MYO3A: variants seen among roughly 807,000 people sequenced by gnomAD.
MYO3A encodes the protein myosin IIIA.
A neutral mutation model predicts 192.7 loss-of-function variants in MYO3A; 180 were observed. That is an observed-to-expected ratio of 0.93 (90% CI 0.83 to 1.06). The LOEUF (loss-of-function observed/expected upper bound fraction) is 1.06, where lower values mean the gene tolerates loss of function less well. Among genes scored for constraint, MYO3A ranks in the 50% least tolerant of loss-of-function variants. MYO3A has a pLI of 0.00. For synonymous variants in MYO3A, 628 were observed against 645.3 expected, an observed-to-expected ratio of 0.97 and a Z score of 0.41; for missense variants, 1,896 against 1,905.0, an observed-to-expected ratio of 1.00 and a Z score of 0.09.
At position 25,963,070 on chromosome 10, in the gene MYO3A, CAG is replaced by C. The variant is rs575456445; in HGVS notation, c.303+8064_303+8065del. ...AATTGCTCCTTTCACAGTGGTGCTA[CAG>C]ACTACATTCTATTATTCATTTGAAT... On this transcript the variant is annotated intron_variant, in intron 4 of 34. Transcript: ENST00000642920. Among the ~76,000 whole-genome samples the C allele has an allele frequency of 1.4e-4, 21 of 152,310 alleles. No individual in the cohort carries two copies. In the South Asian group the frequency reaches 3.1e-3, roughly 23 times the overall value.
chr10:26,010,087 A>G (rs1433882041), intron 6 of MYO3A, among the ~76,000 whole-genome samples: 2 of 152,230 alleles, frequency 1.3e-5, no homozygotes, highest in Non-Finnish European at 2.9e-5. Context: ...GTCCAAAGCC[A>G]AGAAGAATGC....
chr10:26,009,235 G>T (rs1454554981), intron 6 of MYO3A, among the ~76,000 whole-genome samples: 2 of 150,968 alleles, frequency 1.3e-5, no homozygotes, highest in African/African-American at 4.9e-5. Context: ...TGTGGGGTTG[G>T]GGGAGGGAGG....
chr10:26,018,874 G>GA (rs1303130193), intron 7 of MYO3A, among the ~76,000 whole-genome samples: 1 of 151,854 alleles, frequency 6.6e-6, no homozygotes, highest in Non-Finnish European at 1.5e-5. Context: ...TTTTCCTTAG[G>GA]AAAAAAATGA....
chr10:26,111,844 T>A (rs1838201296), intron 17 of MYO3A, among the ~76,000 whole-genome samples: 1 of 152,204 alleles, frequency 6.6e-6, no homozygotes, highest in South Asian at 2.1e-4. Flanking sequence ...AACTGGAAGA[T>A]GTACAATAAA....
chr10:25,941,414 T>C (rs540417148), intron 2 of MYO3A, among the ~76,000 whole-genome samples: 256 of 152,310 alleles, frequency 1.7e-3, no homozygotes, highest in African/African-American at 5.7e-3. Flanking sequence ...GGAAGCCAGC[T>C]GGACAAGGAG....
At chr10:26,105,733 A>G (rs1039875409) in intron 17 of MYO3A, among the ~76,000 whole-genome samples, 1 of 152,022 alleles carries the variant, frequency 6.6e-6, no homozygotes, top group Non-Finnish European at 1.5e-5. Flanking sequence ...GTTTTTGTTC[A>G]TAGTATCTAG....
At chr10:26,011,284 G>C (rs958486309) in intron 6 of MYO3A, among the ~76,000 whole-genome samples, 2 of 151,918 alleles carry the variant, frequency 1.3e-5, no homozygotes, top group African/African-American at 4.8e-5. Flanking sequence ...CAAAATAAAA[G>C]TCAGCCGGGT....
At chr10:26,003,016 A>T (rs1564448816) in intron 6 of MYO3A, among the ~76,000 whole-genome samples, 1 of 152,182 alleles carries the variant, frequency 6.6e-6, no homozygotes, top group South Asian at 2.1e-4. Context: ...GAAAGTACTT[A>T]ATGAATGAAT....
intron 20 of MYO3A, among the ~76,000 whole-genome samples, chr10:26,139,139 T>C (rs941957197): frequency 1.3e-5 from 2 of 152,218 alleles, no homozygotes; most frequent in African/African-American, 4.8e-5. Context: ...AGCATGTATC[T>C]ACTTTATTTC....
chr10:26,017,225 T>C (rs1191929290), intron 7 of MYO3A, among the ~76,000 whole-genome samples: 1 of 152,192 alleles, frequency 6.6e-6, no homozygotes, highest in Non-Finnish European at 1.5e-5. Flanking sequence ...AAAATTATAG[T>C]AGAAATATAA....
At chr10:26,207,355 C>G (rs1844018675) in intron 34 of MYO3A, among the ~76,000 whole-genome samples, 1 of 152,174 alleles carries the variant, frequency 6.6e-6, no homozygotes, top group African/African-American at 2.4e-5. Flanking sequence ...GGCAGCATCA[C>G]ATGAGCTAGC....
intron 10 of MYO3A, among the ~76,000 whole-genome samples, chr10:26,039,718 G>A (rs1843236492): frequency 6.6e-6 from 1 of 152,058 alleles, no homozygotes; most frequent in Non-Finnish European, 1.5e-5. Context: ...TGTGGTATCA[G>A]TTGTAATGTA....
At chr10:26,115,737 A>C (rs1838463645) in intron 17 of MYO3A, among the ~76,000 whole-genome samples, 1 of 152,212 alleles carries the variant, frequency 6.6e-6, no homozygotes, top group African/African-American at 2.4e-5. Flanking sequence ...TGGACAGGGC[A>C]GGCTTACAAG....
chr10:26,154,225 A>C (rs1282862428), intron 24 of MYO3A, among the ~76,000 whole-genome samples: 1 of 152,148 alleles, frequency 6.6e-6, no homozygotes, highest in East Asian at 1.9e-4. Context: ...TCTGTCACCC[A>C]GGCTGGAGTG....
chr10:25,996,636 T>A, intron 5 of MYO3A, 42 bp downstream of exon 5: 1 of 1,511,208 alleles, frequency 6.6e-7, no homozygotes, highest in Non-Finnish European at 9.2e-7. Flanking sequence ...TATGAAGCAG[T>A]TCCAGTTAAA....
At position 25,993,521 on chromosome 10, in the gene MYO3A, G is replaced by C. The variant is rs989244488; in HGVS notation, c.304-2969G>C. On this transcript the variant is annotated intron_variant, in intron 4 of 34. Transcript: ENST00000642920. ...TTGTGTCTCTATCTCCTTCAGTTCT[G>C]CTCTGATCTTAGTTATTTCTTGCCT... 3.3e-5 allele frequency among the ~76,000 whole-genome samples: 5 copies of C among 152,002 alleles called. No individual in the cohort carries two copies. In the East Asian group the frequency reaches 9.7e-4, roughly 29 times the overall value.
At chr10:26,094,450 A>T (rs1588943840) in intron 15 of MYO3A, among the ~76,000 whole-genome samples, 3 of 108,358 alleles carry the variant, frequency 2.8e-5, no homozygotes, top group South Asian at 3.1e-4. Context: ...TTTGAGATGG[A>T]GTCTCGCTCT....
chr10:26,034,085 T>C (rs1842922627), intron 10 of MYO3A, among the ~76,000 whole-genome samples: 1 of 152,190 alleles, frequency 6.6e-6, no homozygotes, highest in South Asian at 2.1e-4. Context: ...GTGTCCCTTT[T>C]GTTGGTTCTA....
chr10:26,162,201 A>C (rs1841517186), intron 26 of MYO3A, among the ~76,000 whole-genome samples: 1 of 152,234 alleles, frequency 6.6e-6, no homozygotes, highest in African/African-American at 2.4e-5. Context: ...AAATTAATGA[A>C]AGAAGACCGG....
Sources: allele counts gnomAD v4.1 joint callset (sites outside exome capture counted in the v4.1 genomes callset), GRCh38; gene constraint gnomAD v4.1.1; transcripts MANE v1.5; gene names NCBI Gene and HGNC (gene_info 2026-07-23, HGNC 2026-07-21).